Variants in ZNF215 observed in about 807,000 individuals in gnomAD.
The protein encoded by ZNF215 is BWSCR2-associated zinc finger protein 2.
ZNF215 carries 24 observed loss-of-function variants against 27.2 expected under a neutral mutation model. The ratio of observed to expected loss-of-function variants is 0.88; its 90% CI spans 0.64 to 1.24. The LOEUF (loss-of-function observed/expected upper bound fraction) is 1.24. Ranked by LOEUF, ZNF215 falls within the 50% of genes most tolerant of loss-of-function variation. The pLI is 0.00. For synonymous variants in ZNF215, 210 were observed against 204.0 expected, an observed-to-expected ratio of 1.03 and a Z score of -0.25; for missense variants, 675 against 605.7, an observed-to-expected ratio of 1.11 and a Z score of -1.20.
Position 6,971,335 on chromosome 11 carries a change from A to C in ZNF215, c.806-12794A>C, listed in dbSNP as rs146643517. On this transcript the variant is annotated intron_variant, in intron 5 of 5. Coordinates refer to the ZNF215 transcript ENST00000529903. ...ATCATATCTCGTTCTATGAGAGATTATTCTTCCTCCATGGCAGAGTTGTTG... is the reference window on the plus strand; with the variant it reads ...ATCATATCTCGTTCTATGAGAGATTCTTCTTCCTCCATGGCAGAGTTGTTG... Among the ~76,000 whole-genome samples, 1,156 of 152,272 alleles carry C rather than the reference A, an allele frequency of 7.6e-3. 8 individuals are homozygous for C. Among genetic ancestry groups the C allele is most frequent in the Non-Finnish European group, 9.2e-3 (626 of 68,004 alleles).
downstream of ZNF215, among the ~76,000 whole-genome samples, chr11:6,962,128 A>G (rs914223910): frequency 1.6e-4 from 25 of 152,182 alleles, no homozygotes; most frequent in African/African-American, 6.0e-4. Flanking sequence ...ATAGGAAAAT[A>G]CCCAAAAGCT....
chr11:6,952,492 C>A (rs555918626), intron 6 of ZNF215, among the ~76,000 whole-genome samples: 1 of 152,112 alleles, frequency 6.6e-6, no homozygotes, highest in Non-Finnish European at 1.5e-5. Flanking sequence ...TATGTAATGG[C>A]CTTCTTTGTC....
In ZNF215 at chr11:6,979,918, ATTTAT is replaced by A. The variant is rs889514561; in HGVS notation, c.806-4202_806-4198del. 2.6e-5 allele frequency among the ~76,000 whole-genome samples: 4 copies of A among 151,696 alleles called. No individual in the cohort carries two copies. In the South Asian group the frequency reaches 8.3e-4, roughly 31 times the overall value. ...GATGTAAAATATTTTTTAAAAGCTT[ATTTAT>A]TTTATTTTGTTTTTCAACCAACTTC... On this transcript the variant is annotated intron_variant, in intron 5 of 5. Coordinates refer to the ZNF215 transcript ENST00000529903.
At chr11:6,975,255 T>A (rs1428943120) in intron 5 of ZNF215, among the ~76,000 whole-genome samples, 4 of 152,092 alleles carry the variant, frequency 2.6e-5, no homozygotes, top group Non-Finnish European at 5.9e-5. Flanking sequence ...CACTTGATAA[T>A]TTTTGTGGGT....
At chr11:6,964,592 C>G (rs1380620449) in intron 5 of ZNF215, among the ~76,000 whole-genome samples, 1 of 151,828 alleles carries the variant, frequency 6.6e-6, no homozygotes, top group Non-Finnish European at 1.5e-5. Context: ...TTTTCTTTCA[C>G]TGATCTTTGT....
downstream of ZNF215, among the ~76,000 whole-genome samples, chr11:6,989,752 C>T (rs915119097): frequency 1.3e-5 from 2 of 152,100 alleles, no homozygotes; most frequent in Non-Finnish European, 2.9e-5. Flanking sequence ...GAAGAGTTGG[C>T]TCAATATTGC....
chr11:6,987,846 T>C (rs917647123), downstream of ZNF215, among the ~76,000 whole-genome samples: 1 of 152,168 alleles, frequency 6.6e-6, no homozygotes, highest in Non-Finnish European at 1.5e-5. Flanking sequence ...TCTGACAAAT[T>C]ACATGGCATT....
downstream of ZNF215, among the ~76,000 whole-genome samples, chr11:6,993,848 G>A (rs990121070): frequency 1.3e-5 from 2 of 152,192 alleles, no homozygotes; most frequent in African/African-American, 2.4e-5. Context: ...CACATGTGCA[G>A]AGCAGAGCAA....
intron 5 of ZNF215, among the ~76,000 whole-genome samples, chr11:6,974,333 C>T (rs1400652919): frequency 6.6e-6 from 1 of 152,146 alleles, no homozygotes; most frequent in Non-Finnish European, 1.5e-5. Context: ...TAGCGTGATG[C>T]CTCCAGCTTT....
chr11:6,952,314 A>G (rs1226069893), intron 6 of ZNF215, among the ~76,000 whole-genome samples: 3 of 152,022 alleles, frequency 2.0e-5, no homozygotes, highest in Admixed American at 6.6e-5. Flanking sequence ...TTGTTGATCT[A>G]TCTAATGTTG....
intron 5 of ZNF215, among the ~76,000 whole-genome samples, chr11:6,963,454 T>C (rs1233590720): frequency 6.6e-6 from 1 of 152,112 alleles, no homozygotes; most frequent in African/African-American, 2.4e-5. Flanking sequence ...ACACTATATA[T>C]GAACCATCTG....
downstream of ZNF215, among the ~76,000 whole-genome samples, chr11:6,990,632 T>C (rs1851105302): frequency 1.3e-5 from 2 of 152,234 alleles, no homozygotes; most frequent in Admixed American, 1.3e-4. Flanking sequence ...TTAATGTTCA[T>C]TATACAATGG....
rs545224576 is a variant in ZNF215, at chr11:6,943,313, C to G, written c.616+98C>G. ...GAAGTGGCTAAGTTCACTTTTGGGT[C>G]TGGGTTGAGGTTTGCTAATATCCTT... On this transcript the variant is annotated intron_variant, in intron 5 of 6. Coordinates refer to ENST00000278319, the MANE Select transcript of ZNF215 (RefSeq NM_013250.4). 2.5e-4 allele frequency: 377 copies of G among 1,505,876 alleles called. 2 individuals are homozygous for G. The South Asian group carries it at 4.8e-3, about 19-fold the overall frequency. 93.3% of individuals were successfully genotyped at this position (1,505,876 alleles called of 1,614,324 possible). A position where few individuals can be genotyped will look rare whatever the true frequency, so the allele number is the denominator to read the frequency against.
chr11:6,981,488 C>T (rs899457196), intron 5 of ZNF215, among the ~76,000 whole-genome samples: 3 of 152,102 alleles, frequency 2.0e-5, no homozygotes, highest in African/African-American at 7.2e-5. Context: ...TGTTTGAGTT[C>T]ATTTTAGATT....
downstream of ZNF215, among the ~76,000 whole-genome samples, chr11:6,959,223 G>C (rs1758670038): frequency 6.6e-6 from 1 of 152,088 alleles, no homozygotes; most frequent in African/African-American, 2.4e-5. Context: ...CAAAACGAGG[G>C]GCACAAAGCT....
intron 5 of ZNF215, among the ~76,000 whole-genome samples, chr11:6,982,368 G>A (rs1590089041): frequency 2.6e-5 from 4 of 151,948 alleles, no homozygotes; most frequent in Admixed American, 2.0e-4. Flanking sequence ...AGTTAACAAG[G>A]ATACCCAGGA....
downstream of ZNF215, among the ~76,000 whole-genome samples, chr11:6,960,157 A>T (rs193158350): frequency 6.6e-6 from 1 of 152,298 alleles, no homozygotes; most frequent in Non-Finnish European, 1.5e-5. Flanking sequence ...TATAAAAGGA[A>T]TAATAACACT....
At chr11:6,989,611 A>T (rs952277574), downstream of ZNF215, among the ~76,000 whole-genome samples, 1 of 152,168 alleles carries the variant, frequency 6.6e-6, no homozygotes, top group African/African-American at 2.4e-5. Context: ...TTTCATGAAT[A>T]GGTGGCCCAG....
At chr11:6,994,219 A>G (rs1294979975) in intron 6 of ZNF215, among the ~76,000 whole-genome samples, 1 of 150,610 alleles carries the variant, frequency 6.6e-6, no homozygotes, top group African/African-American at 2.4e-5. Flanking sequence ...AATACCATTT[A>G]ATACTAATAT....
Sources: gnomAD v4.1 joint callset for allele counts (sites outside exome capture counted in the v4.1 genomes callset) on GRCh38, gnomAD v4.1.1 for gene constraint, MANE v1.5 for transcripts, NCBI Gene and HGNC (gene_info 2026-07-23, HGNC 2026-07-21) for gene names.